The following TCF20 variants were observed in gnomAD, a reference collection of about 807,000 sequenced individuals.
TCF20 encodes the protein transcription factor 20.
In TCF20, 3 loss-of-function variants were observed where a neutral mutation model predicts 148.6. The observed-to-expected ratio is 0.02, with a 90% confidence interval of 0.01 to 0.05. The LOEUF is 0.05. Among genes scored for constraint, TCF20 ranks in the 10% least tolerant of loss-of-function variants. The probability of loss-of-function intolerance (pLI) is 1.00; values close to 1 mark genes in which losing one functional copy is unlikely to be tolerated. For missense variants in TCF20, 2,350 were observed against 2,429.3 expected, an observed-to-expected ratio of 0.97 and a Z score of 0.69; for synonymous variants, 1,049 against 909.5, an observed-to-expected ratio of 1.15 and a Z score of -2.76.
At chr22:42,334,467 G>A (rs1399056913) in intron 1 of TCF20, among the ~76,000 whole-genome samples, 1 of 152,212 alleles carries the variant, frequency 6.6e-6, no homozygotes, top group Non-Finnish European at 1.5e-5. Context: ...CACTCAAGCA[G>A]CCAGTTCACT....
chr22:42,325,035 C>T (rs1372183578), intron 1 of TCF20, among the ~76,000 whole-genome samples: 20 of 152,246 alleles, frequency 1.3e-4, no homozygotes, highest in Non-Finnish European at 2.9e-5. Flanking sequence ...TCTTTGTCTT[C>T]CCACCCTGCT....
chr22:42,239,603 C>T (rs1187140773), intron 1 of TCF20, among the ~76,000 whole-genome samples: 2 of 152,060 alleles, frequency 1.3e-5, no homozygotes, highest in Admixed American at 6.5e-5. Context: ...GTCTGGCCAA[C>T]ACAGTGAAAC....
chr22:42,196,593 G>A (rs1343198380), intron 2 of TCF20, among the ~76,000 whole-genome samples: 1 of 152,102 alleles, frequency 6.6e-6, no homozygotes, highest in Admixed American at 6.5e-5. Context: ...CAAACCAGAG[G>A]CCTTCACCTG....
At position 42,212,309 on chromosome 22, in the gene TCF20, C is replaced by G; in HGVS notation, c.2997G>C (p.Glu999Asp). 1 of 1,614,188 alleles carries G rather than the reference C, an allele frequency of 6.2e-7. No homozygotes were observed. Among genetic ancestry groups the G allele is most frequent in the Non-Finnish European group, 8.5e-7 (1 of 1,180,030 alleles). ...RRVPGRVGGR[E>D]GMRGRSPSQY... is the part of the protein sequence containing the mutation. ...GAGAAGGGGACCGACCCCTCATGCC[C>G]TCCCGACCACCAACTCTGCCAGGGA... is the stretch of plus-strand genomic sequence containing the variant. The change falls in exon 2 of 6, where the codon GAG (glutamate) becomes GAC (aspartate). Residue 999 changes from glutamate (E) to aspartate (D), a missense_variant. Around this residue, in one of 7 missense-constraint regions of TCF20, gnomAD observed 1,641 missense variants for 1,662.6 expected, o/e 0.99. Coordinates refer to ENST00000677622, the MANE Select transcript of TCF20 (RefSeq NM_001378418.1).
At chr22:42,239,437 T>C (rs1268259730) in intron 1 of TCF20, among the ~76,000 whole-genome samples, 4 of 148,902 alleles carry the variant, frequency 2.7e-5, no homozygotes, top group African/African-American at 5.0e-5. Flanking sequence ...AATCACGCCA[T>C]TGCACTCCAG....
intron 2 of TCF20, among the ~76,000 whole-genome samples, chr22:42,190,211 C>T (rs1937259563): frequency 6.6e-6 from 1 of 152,164 alleles, no homozygotes; most frequent in South Asian, 2.1e-4. Flanking sequence ...GTTATCCCAG[C>T]ACTTTGGGAG....
rs780455998 is a variant in TCF20 at position 42,210,625 on chromosome 22, G to A, written c.4681C>T (p.Pro1561Ser). The A allele has an allele frequency of 3.1e-6, 5 of 1,614,158 alleles. No individual in the cohort carries two copies. The highest frequency in any genetic ancestry group is 4.2e-6 in the Non-Finnish European group (5 of 1,180,028). The change falls in exon 2 of 6, where the codon CCT (proline) becomes TCT (serine). Residue 1561 changes from proline to serine, a missense_variant. Coordinates refer to ENST00000677622, the MANE Select transcript of TCF20 (RefSeq NM_001378418.1). The surrounding 1 kb of genome is among the most constrained non-coding windows in gnomAD (Gnocchi z 4.7). Reference sequence around the variant, plus strand: ...CCTTCTGGTATCTGTGGGGGCTGAGGGGGTGGAGGCGGTGGCTGCTGCTGT... The same window carrying A: ...CCTTCTGGTATCTGTGGGGGCTGAGAGGGTGGAGGCGGTGGCTGCTGCTGT... ...KKQQQPPPPP[P>S]QPPQIPEGSA...
chr22:42,211,722 G>C lies in TCF20; in HGVS notation c.3584C>G (p.Thr1195Ser). The change falls in exon 2 of 6, where the codon ACT becomes AGT. Residue 1195 changes from threonine (T) to serine (S), a missense_variant. This residue lies in a region of TCF20 where 1,641 missense variants were observed against 1,662.6 expected (regional missense o/e 0.99). Coordinates refer to ENST00000677622, the MANE Select transcript of TCF20 (RefSeq NM_001378418.1). The stretch of plus-strand genomic sequence containing the variant: ...AGGACCGCTGCTTTTGGCTGGAGAA[G>C]TTTGCCGAGAAAGATCCCAACAGGA... ...QESCWDLSRQ[T>S]SPAKSSGPPG... is the part of the protein sequence containing the mutation. 1.9e-6 allele frequency: 3 copies of C among 1,614,190 alleles called. No individual in the cohort carries two copies. The highest frequency in any genetic ancestry group is 2.5e-6 in the Non-Finnish European group (3 of 1,180,042).
chr22:42,169,963 TG>T, intron 3 of TCF20, 67 bp from the exon 4 acceptor site: 1 of 1,549,352 alleles, frequency 6.5e-7, no homozygotes. Flanking sequence ...TCATGCTGGC[TG>T]GGATTGACAG....
chr22:42,339,091 C>T (rs1254612705), intron 1 of TCF20, among the ~76,000 whole-genome samples: 1 of 152,176 alleles, frequency 6.6e-6, no homozygotes, highest in Middle Eastern at 3.2e-3. Flanking sequence ...CCACGAACCC[C>T]CTTAACAGGT....
intron 2 of TCF20, among the ~76,000 whole-genome samples, chr22:42,208,330 G>A (rs1938528819): frequency 6.6e-6 from 1 of 152,072 alleles, no homozygotes; most frequent in South Asian, 2.1e-4. Flanking sequence ...GTAAATAAAA[G>A]GCTAGAAGGC....
At chr22:42,201,403 C>T (rs1388394573) in intron 2 of TCF20, among the ~76,000 whole-genome samples, 1 of 152,166 alleles carries the variant, frequency 6.6e-6, no homozygotes, top group Non-Finnish European at 1.5e-5. Flanking sequence ...TCTGTGGATA[C>T]ACCACACAAA....
Position 42,210,878 on chromosome 22 carries a change from T to A in TCF20, c.4428A>T (p.Gln1476His), listed in dbSNP as rs1437983974. 1 of 1,614,206 alleles carries A rather than the reference T, an allele frequency of 6.2e-7. No homozygotes were observed. Among genetic ancestry groups the A allele is most frequent in the South Asian group, 1.1e-5 (1 of 91,086 alleles). The part of the protein sequence containing the change: ...STTSQKPGSN[Q>H]GRPDGSLGGT... ...CACCCAGGGAACCATCTGGTCTCCCTTGGTTACTACCAGGCTTCTGTGAGG... is the reference window on the plus strand; with the variant it reads ...CACCCAGGGAACCATCTGGTCTCCCATGGTTACTACCAGGCTTCTGTGAGG... The change falls in exon 2 of 6, where the codon CAA (glutamine) becomes CAT (histidine). Residue 1476 changes from glutamine (Q) to histidine (H), a missense_variant. Gln to His is a conservative substitution (Grantham distance 24). Transcript: ENST00000677622. The surrounding 1 kb of genome is among the most constrained non-coding windows in gnomAD (Gnocchi z 4.7).
intron 1 of TCF20, among the ~76,000 whole-genome samples, chr22:42,254,718 G>A (rs1925625662): frequency 6.6e-6 from 1 of 152,178 alleles, no homozygotes; most frequent in Non-Finnish European, 1.5e-5. Context: ...GCTGGTCCCA[G>A]CACTTTGAGA....
intron 3 of TCF20, among the ~76,000 whole-genome samples, chr22:42,177,698 A>G (rs1366410463): frequency 1.3e-5 from 2 of 152,194 alleles, no homozygotes; most frequent in East Asian, 3.8e-4. Context: ...TATGTATACA[A>G]CGTACTGTGA....
chr22:42,331,960 A>G (rs181320027), intron 1 of TCF20, among the ~76,000 whole-genome samples: 1 of 152,340 alleles, frequency 6.6e-6, no homozygotes, highest in East Asian at 1.9e-4. Context: ...TCCGCTCAAC[A>G]AATACTAGCA....
chr22:42,318,411 C>T (rs1927672695), intron 1 of TCF20, among the ~76,000 whole-genome samples: 1 of 152,160 alleles, frequency 6.6e-6, no homozygotes, highest in Non-Finnish European at 1.5e-5. Context: ...TCCCTCGCGG[C>T]CTGTGAGAGG....
rs895286506 is a variant in TCF20, at chr22:42,207,957, C to T, written c.5655+1694G>A. Among the ~76,000 whole-genome samples the T allele has an allele frequency of 4.9e-4, 74 of 152,310 alleles. 1 individual carries two copies. The highest frequency in any genetic ancestry group is 4.4e-3 in the Admixed American group (68 of 15,302). On this transcript the variant is annotated intron_variant, in intron 2 of 5. Coordinates refer to ENST00000677622, the MANE Select transcript of TCF20 (RefSeq NM_001378418.1). ...TAATTCCAGCACTTTGGAAGGCTGACGTGGGAGGATTGCTTAAGCTCAGGT... is the reference window on the plus strand; with the variant it reads ...TAATTCCAGCACTTTGGAAGGCTGATGTGGGAGGATTGCTTAAGCTCAGGT...
intron 3 of TCF20, among the ~76,000 whole-genome samples, chr22:42,177,969 T>C (rs1936545739): frequency 3.9e-5 from 6 of 152,134 alleles, no homozygotes. Context: ...ATTAGCAGCT[T>C]GGAACTGTTA....
Sources: allele counts gnomAD v4.1 joint callset (sites outside exome capture counted in the v4.1 genomes callset), GRCh38; gene constraint gnomAD v4.1.1; regional missense constraint gnomAD v4.1.1; non-coding constraint Gnocchi (gnomAD v3.1); transcripts MANE v1.5; gene names NCBI Gene and HGNC (gene_info 2026-07-23, HGNC 2026-07-21).